The following TBX15 variants were observed in gnomAD, a reference collection of about 807,000 sequenced individuals.
The protein encoded by TBX15 is T-box transcription factor 15.
Under a neutral mutation model 53.9 loss-of-function variants are expected in TBX15, and 18 were observed. The ratio of observed to expected loss-of-function variants is 0.33; its 90% CI spans 0.23 to 0.49. The LOEUF is 0.49. Among genes scored for constraint, TBX15 ranks in the 20% least tolerant of loss-of-function variants. The probability of loss-of-function intolerance (pLI) is 0.98; values close to 1 mark genes in which losing one functional copy is unlikely to be tolerated. For synonymous variants in TBX15, 295 were observed against 278.0 expected (o/e 1.06, Z -0.61); for missense variants, 692 against 749.5 (o/e 0.92, Z 0.90).
chr1:118,948,558 T>C (rs535504330), intron 1 of TBX15, among the ~76,000 whole-genome samples: 1 of 152,292 alleles, frequency 6.6e-6, no homozygotes, highest in Non-Finnish European at 1.5e-5. Context: ...CCTGGCTCTT[T>C]TCCCCTCTGG....
At chr1:118,970,199 C>T (rs1392491474) in intron 1 of TBX15, among the ~76,000 whole-genome samples, 2 of 152,186 alleles carry the variant, frequency 1.3e-5, no homozygotes, top group African/African-American at 4.8e-5. Flanking sequence ...ATAAATTACC[C>T]AGTCTCAGGT....
intron 2 of TBX15, among the ~76,000 whole-genome samples, chr1:118,929,338 T>A (rs1655706809): frequency 6.6e-6 from 1 of 152,004 alleles, no homozygotes; most frequent in South Asian, 2.1e-4. Flanking sequence ...AGATGGAGAT[T>A]GGAATTAAAA....
At chr1:118,906,262 T>C (rs1330624920) in intron 6 of TBX15, among the ~76,000 whole-genome samples, 1 of 152,154 alleles carries the variant, frequency 6.6e-6, no homozygotes, top group Non-Finnish European at 1.5e-5. Context: ...GATAAAGGTA[T>C]AGATAAGATT....
chr1:118,899,868 A>G (rs1199736909), intron 6 of TBX15, among the ~76,000 whole-genome samples: 1 of 152,212 alleles, frequency 6.6e-6, no homozygotes, highest in African/African-American at 2.4e-5. Context: ...TTACGAGTAC[A>G]TTCCTTTAAG....
At chr1:118,982,074 T>G (rs1192996102) in intron 1 of TBX15, among the ~76,000 whole-genome samples, 1 of 152,228 alleles carries the variant, frequency 6.6e-6, no homozygotes, top group Non-Finnish European at 1.5e-5. Flanking sequence ...CTTTATCTTT[T>G]GAGAGTAAGA....
intron 7 of TBX15, among the ~76,000 whole-genome samples, chr1:118,885,734 C>CACAT (rs58795921): frequency 6.6e-6 from 1 of 152,074 alleles, no homozygotes; most frequent in African/African-American, 2.4e-5. Flanking sequence ...CACACACACA[C>CACAT]TCCAGAAGGA....
At position 118,884,844 on chromosome 1, in the gene TBX15, A is replaced by G. The variant is rs61730011; in HGVS notation, c.1697T>C (p.Met566Thr). The G allele has an allele frequency of 2.7e-5, 44 of 1,614,052 alleles. No homozygotes were observed. The highest frequency in any genetic ancestry group is 3.4e-5 in the Non-Finnish European group (40 of 1,180,034). ...ATTGGGTGAAGGGCTAATCATGTGC[A>G]TGCTGTGCTCCATCCCTGACGGCAG... Reference protein sequence around the residue: ...QYLPSGMEHSMHMISPSPNNQ... With the variant: ...QYLPSGMEHSTHMISPSPNNQ... The change falls in exon 8 of 8, where the codon ATG (methionine) becomes ACG (threonine). Residue 566 changes from methionine (M) to threonine (T), a missense_variant. By Grantham distance (81) the Met-to-Thr change is moderately conservative (BLOSUM62 -1). Coordinates refer to ENST00000369429, the MANE Select transcript of TBX15 (RefSeq NM_001330677.2).
chr1:118,927,036 T>C (rs898193640), intron 2 of TBX15, among the ~76,000 whole-genome samples: 2 of 152,314 alleles, frequency 1.3e-5, no homozygotes, highest in East Asian at 3.9e-4. Flanking sequence ...AACAACGTAT[T>C]CTTATTAGGT....
At chr1:118,971,636 C>T (rs897810826) in intron 1 of TBX15, among the ~76,000 whole-genome samples, 6 of 152,154 alleles carry the variant, frequency 3.9e-5, no homozygotes, top group African/African-American at 1.4e-4. Flanking sequence ...TTTTTAAAGG[C>T]TTCTAACTTA....
intron 6 of TBX15, among the ~76,000 whole-genome samples, chr1:118,912,095 G>A (rs574400670): frequency 9.9e-5 from 15 of 151,818 alleles, no homozygotes; most frequent in African/African-American, 3.1e-4. Context: ...TTCAACTTTA[G>A]AAAAACGAAT....
intron 7 of TBX15, among the ~76,000 whole-genome samples, chr1:118,897,486 C>A (rs139387530): frequency 6.6e-6 from 1 of 152,296 alleles, no homozygotes; most frequent in African/African-American, 2.4e-5. Flanking sequence ...CTTGGAAAGG[C>A]AATGAGTAAA....
At chr1:118,957,027 AT>A (rs1343737049) in intron 1 of TBX15, among the ~76,000 whole-genome samples, 2 of 152,138 alleles carry the variant, frequency 1.3e-5, no homozygotes, top group Admixed American at 1.3e-4. Context: ...ACAAAAGAAC[AT>A]TCAGCCTAAC....
At chr1:118,942,566 C>T (rs1656216524) in intron 1 of TBX15, among the ~76,000 whole-genome samples, 1 of 152,084 alleles carries the variant, frequency 6.6e-6, no homozygotes, top group African/African-American at 2.4e-5. Flanking sequence ...CCTATTAAGT[C>T]CTAGGGTCAC....
chr1:118,957,071 C>T (rs976103077), intron 1 of TBX15, among the ~76,000 whole-genome samples: 1 of 152,136 alleles, frequency 6.6e-6, no homozygotes, highest in Non-Finnish European at 1.5e-5. Flanking sequence ...TTCTCTAGTT[C>T]CTGCCTACCT....
chr1:118,936,850 T>C (rs1170758784), intron 1 of TBX15, among the ~76,000 whole-genome samples: 1 of 152,184 alleles, frequency 6.6e-6, no homozygotes, highest in Non-Finnish European at 1.5e-5. Flanking sequence ...CACAGAAGAC[T>C]ACATTTAATT....
chr1:118,909,236 C>T (rs1014516819), intron 6 of TBX15, among the ~76,000 whole-genome samples: 1 of 152,194 alleles, frequency 6.6e-6, no homozygotes, highest in African/African-American at 2.4e-5. Context: ...AGCCTAATGC[C>T]ATGGAGACCA....
intron 1 of TBX15, among the ~76,000 whole-genome samples, chr1:118,963,986 T>G (rs1397173661): frequency 1.3e-5 from 2 of 152,112 alleles, no homozygotes; most frequent in Admixed American, 1.3e-4. Context: ...ACAGCCAAAA[T>G]GGAGACTACA....
intron 7 of TBX15, among the ~76,000 whole-genome samples, chr1:118,897,081 T>C (rs1307360706): frequency 6.6e-6 from 1 of 152,314 alleles, no homozygotes; most frequent in East Asian, 1.9e-4. Flanking sequence ...TTTCAAAATG[T>C]CAATAATAAC....
At chr1:118,934,134 A>G (rs996308460) in intron 1 of TBX15, among the ~76,000 whole-genome samples, 12 of 152,182 alleles carry the variant, frequency 7.9e-5, no homozygotes, top group Admixed American at 7.2e-4. Context: ...TGTAACATCA[A>G]ATGAATTAAT....
Sources: gnomAD v4.1 joint callset for allele counts (sites outside exome capture counted in the v4.1 genomes callset) on GRCh38, gnomAD v4.1.1 for gene constraint, MANE v1.5 for transcripts, NCBI Gene and HGNC (gene_info 2026-07-23, HGNC 2026-07-21) for gene names.